Variants in IL1RL1 observed in about 807,000 individuals in gnomAD.
IL1RL1 encodes interleukin 1 receptor like 1, also known as interleukin-1 receptor-like 1.
IL1RL1 carries 32 observed loss-of-function variants against 50.9 expected under a neutral mutation model. The observed-to-expected ratio is 0.63, with a 90% CI of 0.47 to 0.84. The LOEUF (loss-of-function observed/expected upper bound fraction) is 0.84. Ranked by LOEUF, IL1RL1 falls within the 40% of genes least tolerant of loss-of-function variation. The pLI is 0.00. For synonymous variants in IL1RL1, 275 were observed against 236.0 expected (o/e 1.17, Z -1.51); for missense variants, 773 against 662.9 (o/e 1.17, Z -1.82).
intron 1 of IL1RL1, among the ~76,000 whole-genome samples, chr2:102,325,238 A>G (rs1470643014): frequency 1.3e-5 from 2 of 152,190 alleles, no homozygotes; most frequent in Non-Finnish European, 1.5e-5. Context: ...ACCCAGGCAA[A>G]CAGGGTCTGG....
intron 1 of IL1RL1, among the ~76,000 whole-genome samples, chr2:102,319,813 C>A (rs1165721891): frequency 6.6e-6 from 1 of 152,184 alleles, no homozygotes; most frequent in Non-Finnish European, 1.5e-5. Context: ...CTCAGCCTCC[C>A]AAGAAGCTGG....
Position 102,351,672 on chromosome 2 carries a change from C to G in IL1RL1, c.1422C>G (p.Asp474Glu), listed in dbSNP as rs553180734. 8 of 1,613,962 alleles carry G rather than the reference C, an allele frequency of 5.0e-6. No homozygotes were observed. Among genetic ancestry groups the G allele is most frequent in the Non-Finnish European group, 6.8e-6 (8 of 1,180,016 alleles). ...VALHCALIQNDAKVILIEMEA... is the reference protein window; with the variant it reads ...VALHCALIQNEAKVILIEMEA... ...TGCACTGTGCCCTCATCCAGAACGA[C>G]GCCAAGGTGATACTTATTGAGATGG... The change falls in exon 11 of 11, where the codon GAC becomes GAG. Residue 474 changes from aspartate (D) to glutamate (E), a missense_variant. Physicochemically the swap from Asp to Glu is conservative, Grantham distance 45. Coordinates refer to ENST00000233954, the MANE Select transcript of IL1RL1 (RefSeq NM_016232.5).
At chr2:102,325,271 A>G (rs191367979) in intron 1 of IL1RL1, among the ~76,000 whole-genome samples, 99 of 152,320 alleles carry the variant, frequency 6.5e-4, no homozygotes, top group African/African-American at 2.1e-3. Context: ...GCAAACTCCA[A>G]CAGATCTGCA....
rs112204660 is a variant in IL1RL1 at position 102,344,052 on chromosome 2, G to T, written c.970+637G>T. 6.8e-3 allele frequency: 2,234 copies of T among 327,056 alleles called. 60 individuals are homozygous for T. Among genetic ancestry groups the T allele is most frequent in the African/African-American group, 0.047 (2,093 of 44,728 alleles). The allele number at this position is 327,056 out of a possible 1,614,324, so 20.3% of individuals were successfully genotyped here. On this transcript the variant is annotated intron_variant, in intron 8 of 10. Transcript: ENST00000233954. ...TTCTGCAGGCTGTATGGGAAGCATGGCGGCATCTGCTTCTGGGGACACCTC... is the reference window on the plus strand; with the variant it reads ...TTCTGCAGGCTGTATGGGAAGCATGTCGGCATCTGCTTCTGGGGACACCTC...
At chr2:102,313,863 A>G (rs1174038239) in intron 1 of IL1RL1, among the ~76,000 whole-genome samples, 1 of 152,228 alleles carries the variant, frequency 6.6e-6, no homozygotes, top group East Asian at 1.9e-4. Context: ...ATGCGCGTGC[A>G]TGTGCAGTAG....
chr2:102,322,371 C>A (rs965130597), intron 1 of IL1RL1, among the ~76,000 whole-genome samples: 2 of 152,102 alleles, frequency 1.3e-5, no homozygotes, highest in Non-Finnish European at 2.9e-5. Flanking sequence ...AAATTCAGAG[C>A]GGAAACTTAT....
rs12712135 is a variant in IL1RL1 at position 102,314,488 on chromosome 2, A to G, written c.-150+2865A>G. ...TCCACCAAGATGTAACTGAGATTTA[A>G]AGAAGACTTGATAACTTATCAGTTG... On this transcript the variant is annotated intron_variant, in intron 1 of 10. Coordinates refer to ENST00000233954, the MANE Select transcript of IL1RL1 (RefSeq NM_016232.5). Among the ~76,000 whole-genome samples the G allele has an allele frequency of 0.55, 82,887 of 152,072 alleles. 23,022 individuals are homozygous for G. The highest frequency in any genetic ancestry group is 0.66 in the Middle Eastern group (195 of 294).
intron 1 of IL1RL1, among the ~76,000 whole-genome samples, chr2:102,316,728 G>A (rs1371715139): frequency 6.6e-6 from 1 of 152,086 alleles, no homozygotes; most frequent in Non-Finnish European, 1.5e-5. Context: ...TCTGTTACAT[G>A]ATATGGATAC....
intron 1 of IL1RL1, among the ~76,000 whole-genome samples, chr2:102,325,821 G>A (rs1470298051): frequency 3.9e-5 from 6 of 152,086 alleles, no homozygotes; most frequent in Non-Finnish European, 7.3e-5. Flanking sequence ...AAAAGGAAAC[G>A]AACAAAGTCT....
chr2:102,326,325 C>T (rs12053429), intron 1 of IL1RL1, among the ~76,000 whole-genome samples: 26,188 of 152,012 alleles, frequency 0.17, 2,557 homozygotes, highest in African/African-American at 0.26. Flanking sequence ...CACCACCAGG[C>T]CTGCCCTACA....
At chr2:102,321,718 C>T (rs573107096) in intron 1 of IL1RL1, among the ~76,000 whole-genome samples, 91 of 152,262 alleles carry the variant, frequency 6.0e-4, no homozygotes, top group African/African-American at 2.0e-3. Flanking sequence ...AATCATAAAT[C>T]CACCCCTCTT....
At chr2:102,336,128 C>T (rs1045993747) in intron 1 of IL1RL1, among the ~76,000 whole-genome samples, 5 of 152,200 alleles carry the variant, frequency 3.3e-5, no homozygotes, top group Non-Finnish European at 7.3e-5. Context: ...GTACTGATAA[C>T]TCTCCCTTTT....
chr2:102,351,676 A>C lies in IL1RL1; in HGVS notation c.1426A>C (p.Lys476Gln), dbSNP rs746871462. 1 of 1,614,124 alleles carries C rather than the reference A, an allele frequency of 6.2e-7. No homozygotes were observed. The highest frequency in any genetic ancestry group is 8.5e-7 in the Non-Finnish European group (1 of 1,180,018). ...CTGTGCCCTCATCCAGAACGACGCC[A>C]AGGTGATACTTATTGAGATGGAGGC... ...LHCALIQNDA[K>Q]VILIEMEALS... The change falls in exon 11 of 11, where the codon AAG (lysine) becomes CAG (glutamine). Residue 476 changes from lysine (K) to glutamine (Q), a missense_variant. Lys to Gln is a moderately conservative substitution (Grantham distance 53, BLOSUM62 1). Coordinates refer to ENST00000233954, the MANE Select transcript of IL1RL1 (RefSeq NM_016232.5).
Position 102,351,670 on chromosome 2 carries a change from G to T in IL1RL1, c.1420G>T (p.Asp474Tyr). ...CCTGCACTGTGCCCTCATCCAGAACGACGCCAAGGTGATACTTATTGAGAT... is the reference window on the plus strand; with the variant it reads ...CCTGCACTGTGCCCTCATCCAGAACTACGCCAAGGTGATACTTATTGAGAT... ...VALHCALIQN[D>Y]AKVILIEMEA... The change falls in exon 11 of 11, where the codon GAC becomes TAC. Residue 474 changes from aspartate (D) to tyrosine (Y), a missense_variant. By Grantham distance (160) the Asp-to-Tyr change is radical (BLOSUM62 -3). Transcript: ENST00000233954. The T allele has an allele frequency of 6.2e-7, 1 of 1,614,068 alleles. No individual in the cohort carries two copies. The highest frequency in any genetic ancestry group is 8.5e-7 in the Non-Finnish European group (1 of 1,180,018).
chr2:102,319,353 T>C (rs1305283494), intron 1 of IL1RL1, among the ~76,000 whole-genome samples: 1 of 152,204 alleles, frequency 6.6e-6, no homozygotes, highest in Non-Finnish European at 1.5e-5. Context: ...AACTATGCTT[T>C]GATGGAACAA....
In IL1RL1 at chr2:102,340,722, T is replaced by G; in HGVS notation, c.504T>G (p.Ile168Met). The G allele has an allele frequency of 1.2e-6, 2 of 1,601,092 alleles. No homozygotes were observed. Among genetic ancestry groups the G allele is most frequent in the Non-Finnish European group, 1.7e-6 (2 of 1,176,352 alleles). The change falls in exon 5 of 11, where the codon ATT becomes ATG. Residue 168 changes from isoleucine (I) to methionine (M), a missense_variant. Physicochemically the swap from Ile to Met is conservative, Grantham distance 10. Transcript: ENST00000233954. ...RYRAHKSFLV[I>M]DNVMTEDAGD... ...GGGCGCACAAGTCATTTTTGGTCAT[T>G]GATAATGTGATGACTGAGGACGCAG...
chr2:102,325,506 G>T lies in IL1RL1; in HGVS notation c.-149-12610G>T, dbSNP rs184605440. ...AATGGAACAAAGCTGGATGGAGAAT[G>T]ACTTTGACGAGTTGAGAGAAGAAGG... On this transcript the variant is annotated intron_variant, in intron 1 of 10. Coordinates refer to ENST00000233954, the MANE Select transcript of IL1RL1 (RefSeq NM_016232.5). Among the ~76,000 whole-genome samples the T allele has an allele frequency of 4.6e-5, 7 of 152,348 alleles. No homozygotes were observed. In the East Asian group the frequency reaches 1.3e-3, roughly 29 times the overall value.
intron 2 of IL1RL1, 94 bp downstream of exon 2, chr2:102,338,419 T>A: frequency 1.5e-6 from 1 of 661,222 alleles, no homozygotes; most frequent in Non-Finnish European, 2.5e-6. Flanking sequence ...TTCCAGTTGT[T>A]CCAGTTGAAT....
At chr2:102,339,186 T>C (rs1382234205) in intron 3 of IL1RL1, 139 bp downstream of exon 3, 7 of 637,210 alleles carry the variant, frequency 1.1e-5, no homozygotes, top group African/African-American at 7.4e-5. Flanking sequence ...TGAATAAAAG[T>C]GATTTGGATA....
Sources: gnomAD v4.1 joint callset for allele counts (sites outside exome capture counted in the v4.1 genomes callset) on GRCh38, gnomAD v4.1.1 for gene constraint, MANE v1.5 for transcripts, NCBI Gene and HGNC (gene_info 2026-07-23, HGNC 2026-07-21) for gene names.